The following HECTD4 variants were observed in gnomAD, a reference collection of about 807,000 sequenced individuals.
HECTD4 encodes HECT domain E3 ubiquitin protein ligase 4, also known as probable E3 ubiquitin-protein ligase HECTD4.
A neutral mutation model predicts 471.5 loss-of-function variants in HECTD4; 114 were observed. The ratio of observed to expected loss-of-function variants is 0.24; its 90% CI spans 0.21 to 0.28. HECTD4 has a LOEUF of 0.28. Among genes scored for constraint, HECTD4 ranks in the 10% least tolerant of loss-of-function variants. HECTD4 has a pLI of 1.00. For missense variants in HECTD4, 3,866 were observed against 5,651.5 expected, an observed-to-expected ratio of 0.68 and a Z score of 10.13; for synonymous variants, 2,012 against 2,256.0, an observed-to-expected ratio of 0.89 and a Z score of 3.07.
At chr12:112,245,852 C>T (rs1821925757) in intron 29 of HECTD4, among the ~76,000 whole-genome samples, 1 of 152,176 alleles carries the variant, frequency 6.6e-6, no homozygotes, top group South Asian at 2.1e-4. Context: ...GTGACCTAGG[C>T]CGGGCGTGGT....
intron 8 of HECTD4, among the ~76,000 whole-genome samples, chr12:112,280,702 T>C (rs936121120): frequency 2.6e-5 from 4 of 151,930 alleles, no homozygotes; most frequent in African/African-American, 9.7e-5. Context: ...ACTTTGTGAG[T>C]ATACCATTTT....
chr12:112,202,058 A>G (rs2032443999), intron 54 of HECTD4, among the ~76,000 whole-genome samples: 1 of 152,194 alleles, frequency 6.6e-6, no homozygotes, highest in Admixed American at 6.5e-5. Context: ...TCAGAGTCAG[A>G]AGTTTGCATC....
At chr12:112,279,433 G>C (rs779820250) in intron 8 of HECTD4, 47 bp from the exon 9 acceptor site, 1 of 1,513,234 alleles carries the variant, frequency 6.6e-7, no homozygotes, top group Admixed American at 2.3e-5. Flanking sequence ...TGACACAAAA[G>C]TTAATTTGAT....
intron 44 of HECTD4, among the ~76,000 whole-genome samples, chr12:112,221,956 C>G (rs1042576137): frequency 6.7e-6 from 1 of 150,280 alleles, no homozygotes; most frequent in African/African-American, 2.5e-5. Flanking sequence ...CGGAGTCTCA[C>G]TGTGTCACCC....
Position 112,170,078 on chromosome 12 carries a change from A to G in HECTD4, c.12052+255T>C. 4 of 573,480 alleles carry G rather than the reference A, an allele frequency of 7.0e-6. 1 individual carries two copies. The South Asian group carries it at 8.2e-5, about 12-fold the overall frequency. The allele number at this position is 573,480 out of a possible 1,614,324, so 35.5% of individuals were successfully genotyped here. A position where few individuals can be genotyped will look rare whatever the true frequency, so the allele number is the denominator to read the frequency against. ...CCCATTTTTGGCAGGCACATGGCTG[A>G]TCAGAGCAAAGCCTGCCCCACCTGA... is the stretch of plus-strand genomic sequence containing the variant. On this transcript the variant is annotated intron_variant, in intron 69 of 75. Coordinates refer to ENST00000682272, the MANE Select transcript of HECTD4 (RefSeq NM_001388303.1).
intron 23 of HECTD4, 82 bp from the exon 24 acceptor site, chr12:112,251,216 TC>T: frequency 7.3e-7 from 1 of 1,367,494 alleles, no homozygotes; most frequent in Non-Finnish European, 1.0e-6. Flanking sequence ...CACTGCACTG[TC>T]CCCAACCACA....
chr12:112,227,962 G>C, intron 43 of HECTD4, 127 bp downstream of exon 43: 1 of 794,786 alleles, frequency 1.3e-6, no homozygotes, highest in Non-Finnish European at 1.9e-6. Context: ...GGTTACTGTT[G>C]CTCAGTTTAG....
At position 112,273,759 on chromosome 12, in the gene HECTD4, G is replaced by A. The variant is rs1394970320; in HGVS notation, c.1838C>T (p.Thr613Ile). 3.1e-6 allele frequency: 5 copies of A among 1,613,824 alleles called. No homozygotes were observed. The highest frequency in any genetic ancestry group is 4.2e-6 in the Non-Finnish European group (5 of 1,179,860). The change falls in exon 11 of 76, where the codon ACA becomes ATA. Residue 613 changes from threonine (T) to isoleucine (I), a missense_variant. Around this residue, in one of 16 missense-constraint regions of HECTD4, gnomAD observed 525 missense variants for 672.6 expected, o/e 0.78. Coordinates refer to ENST00000682272, the MANE Select transcript of HECTD4 (RefSeq NM_001388303.1). ...CTGATCGATATAGTCATTTGAGCAT[G>A]TCCATAGCATGTTGTTCACTGTGTC... ...CYDTVNNMLW[T>I]CSNDYIDQWC...
chr12:112,274,779 A>C, intron 10 of HECTD4, 68 bp downstream of exon 10: 2 of 927,830 alleles, frequency 2.2e-6, no homozygotes, highest in Non-Finnish European at 3.4e-6. Flanking sequence ...GGGAACTGGC[A>C]AGACAGTTCA....
In HECTD4 at chr12:112,193,944, CT is replaced by C. The variant is rs1006965969; in HGVS notation, c.8750-271del. 6.6e-6 allele frequency among the ~76,000 whole-genome samples: 1 copy of C among 152,184 alleles called. No homozygotes were observed. Among genetic ancestry groups the C allele is most frequent in the African/African-American group, 2.4e-5 (1 of 41,442 alleles). ...ATAAAATCTACACAGAGGCCCAGGT[CT>C]ACGAAATATATCAAATGGGGCTGCT... On this transcript the variant is annotated intron_variant, in intron 56 of 75. Coordinates refer to ENST00000682272, the MANE Select transcript of HECTD4 (RefSeq NM_001388303.1). The surrounding 1 kb of genome is among the most constrained non-coding windows in gnomAD (Gnocchi z 5.2).
chr12:112,311,518 G>C (rs1417142858), intron 4 of HECTD4, among the ~76,000 whole-genome samples: 1 of 151,278 alleles, frequency 6.6e-6, no homozygotes, highest in African/African-American at 2.4e-5. Context: ...CAGCTACTCA[G>C]GTGGCTACGG....
At chr12:112,269,998 A>G (rs1650770749) in intron 12 of HECTD4, 149 bp from the exon 13 acceptor site, 1 of 747,420 alleles carries the variant, frequency 1.3e-6, no homozygotes, top group South Asian at 1.9e-5. Context: ...GTAACGGTAT[A>G]ATTATAGTAA....
At chr12:112,348,101 G>C (rs2036189613) in intron 1 of HECTD4, among the ~76,000 whole-genome samples, 1 of 152,174 alleles carries the variant, frequency 6.6e-6, no homozygotes, top group South Asian at 2.1e-4. Context: ...CATTCTAATT[G>C]CAGGTGGAAA....
intron 9 of HECTD4, 121 bp downstream of exon 9, chr12:112,279,107 T>C: frequency 1.3e-6 from 1 of 781,944 alleles, no homozygotes. Flanking sequence ...TATTTTTTGT[T>C]ATCAGAGAGC....
chr12:112,252,836 G>T (rs1436249742), intron 22 of HECTD4, among the ~76,000 whole-genome samples: 2 of 150,300 alleles, frequency 1.3e-5, no homozygotes, highest in Admixed American at 1.3e-4. Context: ...TTGAGACAAG[G>T]TCTTACTCTG....
In HECTD4 at chr12:112,319,506, T is replaced by C; in HGVS notation, c.414A>G (p.Gln138=). The change falls in exon 2 of 76, where the codon CAA becomes CAG. Residue 138 remains glutamine (Q), a synonymous_variant. Coordinates refer to ENST00000682272, the MANE Select transcript of HECTD4 (RefSeq NM_001388303.1). The surrounding 1 kb of genome is among the most constrained non-coding windows in gnomAD (Gnocchi z 5.3). ...KRQGLLQQPE[Q]APFTSRMGLL... ...GCCCCATCCTCGATGTGAAGGGCGC[T>C]TGCTCAGGTTGCTGCAACAAGCCCT... 1 of 1,475,042 alleles carries C rather than the reference T, an allele frequency of 6.8e-7. No homozygotes were observed. Among genetic ancestry groups the C allele is most frequent in the South Asian group, 1.4e-5 (1 of 73,852 alleles). The allele number at this position is 1,475,042 out of a possible 1,614,324, so 91.4% of individuals were successfully genotyped here.
In HECTD4 at chr12:112,184,518, A is replaced by T. The variant is rs2031789255; in HGVS notation, c.10448T>A (p.Ile3483Asn). ...TSSSLTPAMS[I>N]SASASTSQAS... ...CTGGCTGGTGGAGGCGGAGGCGCTG[A>T]TGCTCATGGCGGGGGTCAGGCTGCT... Residue 3483 changes from isoleucine (I) to asparagine (N), a missense_variant, in exon 61 of 76, where the codon ATC (isoleucine) becomes AAC (asparagine). Around this residue, in one of 16 missense-constraint regions of HECTD4, gnomAD observed 192 missense variants for 189.9 expected, o/e 1.01. Coordinates refer to ENST00000682272, the MANE Select transcript of HECTD4 (RefSeq NM_001388303.1). This position sits in a 1 kb window ranked among gnomAD's most constrained non-coding sequence, Gnocchi z 9.1. 6.2e-7 allele frequency: 1 copy of T among 1,611,896 alleles called. No homozygotes were observed. The highest frequency in any genetic ancestry group is 8.5e-7 in the Non-Finnish European group (1 of 1,179,396).
chr12:112,240,064 C>A, intron 32 of HECTD4, 37 bp from the exon 33 acceptor site: 1 of 1,609,726 alleles, frequency 6.2e-7, no homozygotes, highest in Non-Finnish European at 8.5e-7. Context: ...CTTCCTGAAC[C>A]ATGTCAAGAA....
chr12:112,247,977 T>TATACACACACAC (rs151176253), intron 27 of HECTD4, 90 bp downstream of exon 27: 2 of 677,616 alleles, frequency 3.0e-6, no homozygotes, highest in East Asian at 6.2e-5. Flanking sequence ...TTATTTTACC[T>TATACACACACAC]ACACACACAC....
Sources: gnomAD v4.1 joint callset for allele counts (sites outside exome capture counted in the v4.1 genomes callset) on GRCh38, gnomAD v4.1.1 for gene constraint, gnomAD v4.1.1 regional missense constraint, Gnocchi (gnomAD v3.1) non-coding constraint, MANE v1.5 for transcripts, NCBI Gene and HGNC (gene_info 2026-07-23, HGNC 2026-07-21) for gene names.